The following ADCY2 variants were observed in gnomAD, a reference collection of about 807,000 sequenced individuals.
The protein encoded by ADCY2 is adenylate cyclase 2, also known as adenylate cyclase type 2.
ADCY2 carries 31 observed loss-of-function variants against 125.2 expected under a neutral mutation model. That is an observed-to-expected ratio of 0.25 (90% CI 0.19 to 0.33). The LOEUF (loss-of-function observed/expected upper bound fraction) is 0.33, where lower values mean the gene tolerates loss of function less well. Ranked by LOEUF, ADCY2 falls within the 10% of genes least tolerant of loss-of-function variation. The pLI, the probability that ADCY2 is intolerant of heterozygous loss-of-function variation, is 1.00. For missense variants in ADCY2, 904 were observed against 1,418.2 expected, an observed-to-expected ratio of 0.64 and a Z score of 5.82; for synonymous variants, 512 against 548.4, an observed-to-expected ratio of 0.93 and a Z score of 0.93.
At chr5:7,498,926 A>G (rs937848380) in intron 2 of ADCY2, among the ~76,000 whole-genome samples, 1 of 152,198 alleles carries the variant, frequency 6.6e-6, no homozygotes, top group East Asian at 1.9e-4. Context: ...GCCAAGCATA[A>G]AAGGATATAT....
chr5:7,666,695 G>A (rs1304900251), intron 4 of ADCY2, among the ~76,000 whole-genome samples: 1 of 152,220 alleles, frequency 6.6e-6, no homozygotes, highest in Non-Finnish European at 1.5e-5. Context: ...TAAATGCTCA[G>A]CTCTTTCCCA....
chr5:7,404,835 G>A (rs1160675079), intron 1 of ADCY2, among the ~76,000 whole-genome samples: 1 of 152,158 alleles, frequency 6.6e-6, no homozygotes, highest in Non-Finnish European at 1.5e-5. Flanking sequence ...GCTTGCCTCC[G>A]TTGAAGGTTT....
At chr5:7,727,409 G>A in intron 14 of ADCY2, 148 bp downstream of exon 14, 1 of 631,792 alleles carries the variant, frequency 1.6e-6, no homozygotes. Flanking sequence ...CAGGACCTCG[G>A]AGGTTAAGTG....
chr5:7,547,528 T>G (rs928296571), intron 3 of ADCY2, among the ~76,000 whole-genome samples: 4 of 152,186 alleles, frequency 2.6e-5, no homozygotes, highest in Admixed American at 1.3e-4. Context: ...CAGGTGCCCC[T>G]GGTTCAGATG....
At chr5:7,463,514 C>T (rs1209180167) in intron 2 of ADCY2, among the ~76,000 whole-genome samples, 1 of 151,474 alleles carries the variant, frequency 6.6e-6, no homozygotes, top group Non-Finnish European at 1.5e-5. Flanking sequence ...GATGTAGAAC[C>T]AGATCAGTTC....
intron 10 of ADCY2, among the ~76,000 whole-genome samples, chr5:7,710,064 A>G (rs1405248288): frequency 2.0e-5 from 3 of 152,212 alleles, no homozygotes; most frequent in Non-Finnish European, 4.4e-5. Flanking sequence ...CTAAGGATGC[A>G]GTTACAGCTT....
chr5:7,553,640 A>G (rs905247865), intron 3 of ADCY2, among the ~76,000 whole-genome samples: 1 of 152,204 alleles, frequency 6.6e-6, no homozygotes, highest in African/African-American at 2.4e-5. Context: ...GCAGACAAGC[A>G]TGACATTGCT....
intron 2 of ADCY2, among the ~76,000 whole-genome samples, chr5:7,458,415 G>T: frequency 6.6e-6 from 1 of 152,246 alleles, no homozygotes; most frequent in East Asian, 1.9e-4. Context: ...ATATAAAGCA[G>T]TTATTTGCAA....
chr5:7,639,792 A>G (rs1245977450), intron 4 of ADCY2, among the ~76,000 whole-genome samples: 1 of 152,198 alleles, frequency 6.6e-6, no homozygotes, highest in African/African-American at 2.4e-5. Flanking sequence ...AGCCAGGATA[A>G]ACAGCAGAGA....
At chr5:7,488,654 A>G (rs1343319164) in intron 2 of ADCY2, among the ~76,000 whole-genome samples, 8 of 152,108 alleles carry the variant, frequency 5.3e-5, no homozygotes, top group African/African-American at 1.9e-4. Flanking sequence ...AGTGTGACAG[A>G]TGACACTGGG....
At chr5:7,803,242 T>C (rs1005795100) in intron 21 of ADCY2, among the ~76,000 whole-genome samples, 4 of 152,008 alleles carry the variant, frequency 2.6e-5, no homozygotes, top group African/African-American at 9.7e-5. Flanking sequence ...TGCTCCTCAG[T>C]GAAATAAACA....
intron 2 of ADCY2, among the ~76,000 whole-genome samples, 183 bp from the exon 3 acceptor site, chr5:7,520,555 G>A (rs529322808): frequency 2.0e-5 from 3 of 152,264 alleles, no homozygotes; most frequent in East Asian, 1.9e-4. Context: ...CCATCACAAC[G>A]ATTAGTCTGT....
chr5:7,490,683 A>G (rs1258403869), intron 2 of ADCY2, among the ~76,000 whole-genome samples: 1 of 151,146 alleles, frequency 6.6e-6, no homozygotes, highest in Non-Finnish European at 1.5e-5. Context: ...ACATGCATGC[A>G]CACACACACA....
intron 3 of ADCY2, among the ~76,000 whole-genome samples, chr5:7,521,450 T>A (rs1251692655): frequency 2.6e-5 from 4 of 152,258 alleles, no homozygotes; most frequent in African/African-American, 4.8e-5. Flanking sequence ...TTTAATTAGT[T>A]ACAAGCATTT....
chr5:7,816,814 T>C, intron 22 of ADCY2, 52 bp from the exon 23 acceptor site: 4 of 1,482,890 alleles, frequency 2.7e-6, no homozygotes, highest in Non-Finnish European at 3.8e-6. Context: ...AGGGGAACAG[T>C]TTCCAGCTGT....
intron 22 of ADCY2, among the ~76,000 whole-genome samples, chr5:7,815,480 A>G (rs1452145079): frequency 6.6e-6 from 1 of 152,186 alleles, no homozygotes. Context: ...TGGTGCACAG[A>G]ATCGTTAAGT....
intron 12 of ADCY2, among the ~76,000 whole-genome samples, chr5:7,723,262 A>G (rs2126391316): frequency 6.6e-6 from 1 of 152,298 alleles, no homozygotes; most frequent in Admixed American, 6.5e-5. Context: ...AATTTTACCT[A>G]TGTGACAATC....
intron 3 of ADCY2, among the ~76,000 whole-genome samples, chr5:7,579,958 T>C (rs931772107): frequency 6.6e-6 from 1 of 152,236 alleles, no homozygotes; most frequent in Admixed American, 6.5e-5. Flanking sequence ...ATCATGTGTT[T>C]TGCAGCAACG....
chr5:7,398,623 C>A (rs956694581), intron 1 of ADCY2, among the ~76,000 whole-genome samples: 1 of 152,180 alleles, frequency 6.6e-6, no homozygotes, highest in Non-Finnish European at 1.5e-5. Flanking sequence ...TTGGCCATAC[C>A]TAATTCATGG....
Sources: allele counts gnomAD v4.1 joint callset (sites outside exome capture counted in the v4.1 genomes callset), GRCh38; gene constraint gnomAD v4.1.1; transcripts MANE v1.5; gene names NCBI Gene and HGNC (gene_info 2026-07-23, HGNC 2026-07-21).